PSME4: variants seen among roughly 807,000 people sequenced by gnomAD.
PSME4 encodes the protein proteasome activator subunit 4.
PSME4 carries 89 observed loss-of-function variants against 253.9 expected under a neutral mutation model. The observed-to-expected ratio is 0.35, with a 90% CI of 0.30 to 0.42. The LOEUF is 0.42. PSME4 is among the 10% of genes least tolerant of loss of function. The pLI, the probability that PSME4 is intolerant of heterozygous loss-of-function variation, is 1.00. For missense variants in PSME4, 2,014 were observed against 2,195.2 expected, an observed-to-expected ratio of 0.92 and a Z score of 1.65; for synonymous variants, 851 against 759.2, an observed-to-expected ratio of 1.12 and a Z score of -1.99.
At chr2:53,873,066 C>T (rs1165664797) in intron 43 of PSME4, among the ~76,000 whole-genome samples, 1 of 151,472 alleles carries the variant, frequency 6.6e-6, no homozygotes, top group African/African-American at 2.4e-5. Flanking sequence ...TGGTGAAACC[C>T]CGTCTCTACT....
At chr2:53,939,616 G>A (rs552158530) in intron 4 of PSME4, among the ~76,000 whole-genome samples, 101 of 152,204 alleles carry the variant, frequency 6.6e-4, no homozygotes, top group South Asian at 2.5e-3. Flanking sequence ...ATATTCTACA[G>A]AACATAGTTG....
chr2:53,882,713 A>C (rs1435520304), intron 41 of PSME4, among the ~76,000 whole-genome samples: 1 of 152,256 alleles, frequency 6.6e-6, no homozygotes, highest in African/African-American at 2.4e-5. Context: ...ATAAAACCAA[A>C]CATCTACTAC....
chr2:53,891,953 A>T (rs1679929015), intron 36 of PSME4, among the ~76,000 whole-genome samples: 1 of 151,970 alleles, frequency 6.6e-6, no homozygotes. Flanking sequence ...GGAAGGAAGG[A>T]ATTCTTCAAT....
At chr2:53,931,048 C>T (rs570062409) in intron 10 of PSME4, among the ~76,000 whole-genome samples, 10 of 152,262 alleles carry the variant, frequency 6.6e-5, no homozygotes, top group South Asian at 2.1e-4. Context: ...GAGGCCAAGG[C>T]GAGTGGATCA....
At chr2:53,873,834 G>C (rs1679004096) in intron 43 of PSME4, among the ~76,000 whole-genome samples, 1 of 152,146 alleles carries the variant, frequency 6.6e-6, no homozygotes, top group Non-Finnish European at 1.5e-5. Context: ...TTGGGTTCAG[G>C]AGTATTATTT....
At chr2:53,900,423 T>C (rs1573243686) in intron 28 of PSME4, among the ~76,000 whole-genome samples, 1 of 151,128 alleles carries the variant, frequency 6.6e-6, no homozygotes, top group Admixed American at 6.6e-5. Flanking sequence ...CAACTTAAAT[T>C]AGCTGGGTGT....
intron 4 of PSME4, among the ~76,000 whole-genome samples, chr2:53,939,184 C>T (rs3850347): frequency 0.075 from 11,375 of 152,148 alleles, 627 homozygotes; most frequent in East Asian, 0.26. Flanking sequence ...TTGAGTAATA[C>T]AGAAGGTCAG....
intron 29 of PSME4, 64 bp from the exon 30 acceptor site, chr2:53,898,418 G>C: frequency 7.8e-7 from 1 of 1,285,548 alleles, no homozygotes; most frequent in African/African-American, 1.5e-5. Flanking sequence ...AAATATAATA[G>C]AAATTCAAAT....
At chr2:53,968,514 C>G (rs771078776) in intron 1 of PSME4, among the ~76,000 whole-genome samples, 3 of 152,110 alleles carry the variant, frequency 2.0e-5, no homozygotes, top group Non-Finnish European at 4.4e-5. Context: ...TAAAAAACAA[C>G]AAGCACAACT....
intron 1 of PSME4, among the ~76,000 whole-genome samples, chr2:53,964,962 C>T (rs1337094233): frequency 2.0e-5 from 3 of 152,178 alleles, no homozygotes; most frequent in African/African-American, 4.8e-5. Context: ...AATGACTTCA[C>T]ATTATAATAT....
chr2:53,967,104 T>C (rs1670773642), intron 1 of PSME4, among the ~76,000 whole-genome samples: 2 of 152,214 alleles, frequency 1.3e-5, no homozygotes, highest in African/African-American at 4.8e-5. Context: ...CCAAAGACCA[T>C]TAATTTGTTC....
At chr2:53,902,952 A>G (rs1444035148) in intron 27 of PSME4, among the ~76,000 whole-genome samples, 2 of 152,140 alleles carry the variant, frequency 1.3e-5, no homozygotes, top group South Asian at 2.1e-4. Flanking sequence ...CCAAAAAACA[A>G]TGACTCTACT....
intron 41 of PSME4, among the ~76,000 whole-genome samples, chr2:53,879,729 G>A (rs1313992233): frequency 6.7e-6 from 1 of 149,942 alleles, no homozygotes; most frequent in African/African-American, 2.5e-5. Context: ...TTGAGCCCGG[G>A]AGACTGAGAC....
chr2:53,934,518 A>C (rs966945513), intron 8 of PSME4, 87 bp downstream of exon 8: 13 of 1,366,440 alleles, frequency 9.5e-6, no homozygotes, highest in Non-Finnish European at 1.2e-5. Flanking sequence ...AGCCACTATT[A>C]TCAACTTCTG....
At chr2:53,908,477 AATC>A in intron 23 of PSME4, 30 bp downstream of exon 23, 1 of 1,610,632 alleles carries the variant, frequency 6.2e-7, no homozygotes, top group Non-Finnish European at 8.5e-7. Context: ...TGATCGTATT[AATC>A]ATTATGCAAC....
intron 40 of PSME4, 56 bp from the exon 41 acceptor site, chr2:53,885,831 A>G: frequency 8.0e-7 from 1 of 1,248,762 alleles, no homozygotes; most frequent in Non-Finnish European, 1.2e-6. Context: ...ACAGACCACA[A>G]AGTAGAACAA....
chr2:53,920,841 A>C, intron 18 of PSME4, 48 bp downstream of exon 18: 1 of 1,475,654 alleles, frequency 6.8e-7, no homozygotes, highest in Non-Finnish European at 9.4e-7. Context: ...ATCCCTTAAA[A>C]CAAAAAATCA....
chr2:53,920,169 C>T (rs1369536344), intron 19 of PSME4, 24 bp downstream of exon 19: 2 of 1,575,880 alleles, frequency 1.3e-6, no homozygotes, highest in Non-Finnish European at 1.7e-6. Flanking sequence ...AACTGAATAA[C>T]TCTAATTATA....
Position 53,895,749 on chromosome 2 carries a change from C to G in PSME4, c.3689-13G>C, listed in dbSNP as rs751537394. 2 of 1,562,890 alleles carry G rather than the reference C, an allele frequency of 1.3e-6. No homozygotes were observed. Among genetic ancestry groups the G allele is most frequent in the South Asian group, 1.2e-5 (1 of 83,004 alleles). ...TTAGGGCATCCACCTAAGGAAAAGACAATCACATTTGATGAATTTAAAAAT... is the reference window on the plus strand; with the variant it reads ...TTAGGGCATCCACCTAAGGAAAAGAGAATCACATTTGATGAATTTAAAAAT... On this transcript the variant is annotated splice_polypyrimidine_tract_variant and intron_variant, in intron 32 of 46. Coordinates refer to ENST00000404125, the MANE Select transcript of PSME4 (RefSeq NM_014614.3).
Sources: gnomAD v4.1 joint callset for allele counts (sites outside exome capture counted in the v4.1 genomes callset) on GRCh38, gnomAD v4.1.1 for gene constraint, MANE v1.5 for transcripts, NCBI Gene and HGNC (gene_info 2026-07-23, HGNC 2026-07-21) for gene names.